Variants in RBFOX2 observed in about 807,000 individuals in gnomAD.
RBFOX2 encodes the protein RNA binding fox-1 homolog 2, also known as RNA binding protein fox-1 homolog 2.
Under a neutral mutation model 49.1 loss-of-function variants are expected in RBFOX2, and 10 were observed. The observed-to-expected ratio is 0.20, with a 90% confidence interval of 0.13 to 0.35. The LOEUF (loss-of-function observed/expected upper bound fraction) is 0.35. RBFOX2 is among the 10% of genes least tolerant of loss of function. The pLI, the probability that RBFOX2 is intolerant of heterozygous loss-of-function variation, is 1.00. For synonymous variants in RBFOX2, 183 were observed against 187.4 expected, an observed-to-expected ratio of 0.98 and a Z score of 0.19; for missense variants, 323 against 486.9, an observed-to-expected ratio of 0.66 and a Z score of 3.17.
At chr22:35,840,456 T>A (rs567086306) in exon 1 of RBFOX2, 259 of 1,414,620 alleles carry the variant, frequency 1.8e-4, no homozygotes, top group Non-Finnish European at 2.3e-4. Flanking sequence ...CTCAGGCAGA[T>A]GGCTGAAGGA....
At chr22:36,025,757 G>A (rs1233474616) in intron 1 of RBFOX2, among the ~76,000 whole-genome samples, 3 of 152,138 alleles carry the variant, frequency 2.0e-5, no homozygotes, top group African/African-American at 4.8e-5. Flanking sequence ...GGCCGGGTGC[G>A]GTGCCTCACA....
upstream of RBFOX2, among the ~76,000 whole-genome samples, chr22:35,943,356 T>C (rs2053904665): frequency 6.6e-6 from 1 of 152,056 alleles, no homozygotes; most frequent in Non-Finnish European, 1.5e-5. Context: ...GTGTTAGAAG[T>C]CCAAAAAGAA....
intron 1 of RBFOX2, among the ~76,000 whole-genome samples, chr22:35,870,115 T>C (rs774640714): frequency 8.5e-5 from 13 of 152,186 alleles, no homozygotes; most frequent in Non-Finnish European, 1.5e-4. Context: ...GTAGTCTATA[T>C]GCAAAAGAAA....
At chr22:35,900,567 T>A (rs540453068) in intron 1 of RBFOX2, among the ~76,000 whole-genome samples, 1 of 150,250 alleles carries the variant, frequency 6.7e-6, no homozygotes, top group South Asian at 2.1e-4. Flanking sequence ...AAATGAGATG[T>A]ATGAGTATTG....
intron 1 of RBFOX2, among the ~76,000 whole-genome samples, chr22:35,889,356 T>A (rs1173588240): frequency 6.6e-6 from 1 of 152,108 alleles, no homozygotes; most frequent in African/African-American, 2.4e-5. Flanking sequence ...ATATTTCCTC[T>A]TGAACATCTC....
At chr22:35,775,182 AT>A (rs1943580819) in intron 4 of RBFOX2, among the ~76,000 whole-genome samples, 1 of 152,228 alleles carries the variant, frequency 6.6e-6, no homozygotes, top group Non-Finnish European at 1.5e-5. Context: ...CAGAGGAGGC[AT>A]CCATGGGTTT....
chr22:35,961,252 A>C (rs145515272), intron 1 of RBFOX2, among the ~76,000 whole-genome samples: 1 of 152,334 alleles, frequency 6.6e-6, no homozygotes, highest in Non-Finnish European at 1.5e-5. Context: ...ATATGCACAC[A>C]AATACCCTCA....
At chr22:35,838,256 TTTC>T (rs1958040522) in intron 1 of RBFOX2, among the ~76,000 whole-genome samples, 1 of 138,732 alleles carries the variant, frequency 7.2e-6, no homozygotes, top group Non-Finnish European at 1.5e-5. Flanking sequence ...TAAAGCAGTA[TTTC>T]TTTTCTTTTT....
intron 1 of RBFOX2, among the ~76,000 whole-genome samples, chr22:35,812,754 C>A (rs893490449): frequency 6.6e-6 from 1 of 152,216 alleles, no homozygotes; most frequent in African/African-American, 2.4e-5. Context: ...AAGGCCAAGG[C>A]GACTTTCTCC....
At chr22:35,986,913 T>C (rs1268595900) in intron 1 of RBFOX2, among the ~76,000 whole-genome samples, 2 of 151,952 alleles carry the variant, frequency 1.3e-5, no homozygotes, top group Non-Finnish European at 2.9e-5. Context: ...TCAGTCACCA[T>C]AAACTCTTAC....
At chr22:35,962,733 T>C (rs997685828), upstream of RBFOX2, among the ~76,000 whole-genome samples, 1 of 152,064 alleles carries the variant, frequency 6.6e-6, no homozygotes, top group Non-Finnish European at 1.5e-5. Flanking sequence ...AATTTTGAAA[T>C]TGTTACTCCT....
At chr22:35,781,601 C>T in exon 3 of RBFOX2, 2 of 1,613,726 alleles carry the variant, frequency 1.2e-6, no homozygotes, top group Non-Finnish European at 1.7e-6. Context: ...GAGACTTACC[C>T]CAAACATCTG....
At chr22:35,971,206 G>A (rs2056852309) in intron 1 of RBFOX2, among the ~76,000 whole-genome samples, 1 of 152,194 alleles carries the variant, frequency 6.6e-6, no homozygotes, top group East Asian at 1.9e-4. Context: ...GGATGTGGGT[G>A]CAAAACACCT....
chr22:35,846,493 A>C (rs1474938952), intron 1 of RBFOX2, among the ~76,000 whole-genome samples: 3 of 151,958 alleles, frequency 2.0e-5, no homozygotes, highest in Non-Finnish European at 4.4e-5. Context: ...ATAGTGGCTC[A>C]CGCCTGTAAT....
intron 1 of RBFOX2, among the ~76,000 whole-genome samples, chr22:35,890,397 C>T (rs1378428935): frequency 6.6e-6 from 1 of 152,006 alleles, no homozygotes; most frequent in African/African-American, 2.4e-5. Context: ...GTAAGTTAGG[C>T]ACAGTAAGAG....
chr22:35,765,782 A>G (rs1940761715), intron 5 of RBFOX2, among the ~76,000 whole-genome samples: 1 of 152,180 alleles, frequency 6.6e-6, no homozygotes, highest in South Asian at 2.1e-4. Flanking sequence ...GCACTAAGGA[A>G]AACACAGAAA....
exon 1 of RBFOX2, chr22:36,028,431 C>T (rs2059535427): frequency 1.7e-6 from 2 of 1,209,016 alleles, no homozygotes; most frequent in Non-Finnish European, 2.1e-6. Context: ...GCCATCCGCC[C>T]GCGCCCCCCT....
In RBFOX2 at chr22:35,740,571, T is replaced by C. The variant is rs149080420; in HGVS notation, c.*3624A>G. On this transcript the variant is annotated 3_prime_UTR_variant, in exon 12 of 12. Transcript: ENST00000405409. ...TCCTCCTAGTATCTGGGGGAAAATCTGCAATTCTGCAAATGTTACTGCGCT... is the reference window on the plus strand; with the variant it reads ...TCCTCCTAGTATCTGGGGGAAAATCCGCAATTCTGCAAATGTTACTGCGCT... The C allele has an allele frequency of 9.5e-3, 1,450 of 152,736 alleles. 22 individuals are homozygous for C. Among genetic ancestry groups the C allele is most frequent in the African/African-American group, 0.034 (1,392 of 41,540 alleles). 9.5% of individuals were successfully genotyped at this position (152,736 alleles called of 1,614,324 possible).
chr22:36,024,101 A>G (rs983034260), intron 1 of RBFOX2, among the ~76,000 whole-genome samples: 1 of 152,204 alleles, frequency 6.6e-6, no homozygotes, highest in South Asian at 2.1e-4. Context: ...TTGACATTCA[A>G]AGTGCCTGGA....
Sources: gnomAD v4.1 joint callset for allele counts (sites outside exome capture counted in the v4.1 genomes callset) on GRCh38, gnomAD v4.1.1 for gene constraint, MANE v1.5 for transcripts, NCBI Gene and HGNC (gene_info 2026-07-23, HGNC 2026-07-21) for gene names.